The following PCSK2 variants were observed in gnomAD, a reference collection of about 807,000 sequenced individuals.
PCSK2 encodes proprotein convertase subtilisin/kexin type 2.
PCSK2 carries 14 observed loss-of-function variants against 69.7 expected under a neutral mutation model. That is an observed-to-expected ratio of 0.20 (90% confidence interval 0.13 to 0.31). The LOEUF (loss-of-function observed/expected upper bound fraction) is 0.31. Ranked by LOEUF, PCSK2 falls within the 10% of genes least tolerant of loss-of-function variation. PCSK2 has a pLI of 1.00. For synonymous variants in PCSK2, 307 were observed against 320.7 expected (o/e 0.96, Z 0.46); for missense variants, 544 against 842.5 (o/e 0.65, Z 4.39).
chr20:17,446,865 A>G (rs879238225), intron 8 of PCSK2, among the ~76,000 whole-genome samples: 6 of 152,224 alleles, frequency 3.9e-5, no homozygotes, highest in Admixed American at 6.5e-5. Context: ...CACATCAAAG[A>G]AAAAGGAAAA....
chr20:17,265,944 C>A (rs1226965400), intron 2 of PCSK2, among the ~76,000 whole-genome samples: 2 of 152,166 alleles, frequency 1.3e-5, no homozygotes, highest in Non-Finnish European at 2.9e-5. Context: ...ACTCGTGACT[C>A]CTCTCAATAC....
chr20:17,276,275 T>C, intron 2 of PCSK2, among the ~76,000 whole-genome samples: 1 of 152,194 alleles, frequency 6.6e-6, no homozygotes, highest in Non-Finnish European at 1.5e-5. Flanking sequence ...TTGCTCCAGC[T>C]TTCTCAAATC....
At chr20:17,357,732 T>C (rs1315044017) in intron 2 of PCSK2, among the ~76,000 whole-genome samples, 2 of 151,856 alleles carry the variant, frequency 1.3e-5, no homozygotes, top group African/African-American at 4.8e-5. Flanking sequence ...CTGTCTCTAC[T>C]AAAAATACAA....
intron 2 of PCSK2, among the ~76,000 whole-genome samples, chr20:17,293,953 T>G (rs977481996): frequency 3.9e-5 from 6 of 152,138 alleles, no homozygotes; most frequent in Non-Finnish European, 8.8e-5. Context: ...AAGTGTATCT[T>G]TGGGGTTTCA....
chr20:17,288,734 C>A (rs1988601156), intron 2 of PCSK2, among the ~76,000 whole-genome samples: 1 of 152,150 alleles, frequency 6.6e-6, no homozygotes, highest in African/African-American at 2.4e-5. Flanking sequence ...CATCTGCAAC[C>A]CACAGACAGC....
In PCSK2 at chr20:17,428,266, G is replaced by A. The variant is rs190558001; in HGVS notation, c.621-1169G>A. ...CAGGGACAGGTTTAACACAAGGGCC[G>A]ACCTCTGCAGTGACACTGGGTTTAC... On this transcript the variant is annotated intron_variant, in intron 6 of 11. Transcript: ENST00000262545. 1.6e-3 allele frequency among the ~76,000 whole-genome samples: 240 copies of A among 152,318 alleles called. 2 individuals are homozygous for A. The highest frequency in any genetic ancestry group is 1.3e-3 in the Non-Finnish European group (91 of 68,030).
At chr20:17,399,857 T>G (rs2031595576) in intron 5 of PCSK2, among the ~76,000 whole-genome samples, 2 of 152,220 alleles carry the variant, frequency 1.3e-5, no homozygotes, top group Admixed American at 1.3e-4. Flanking sequence ...CAGTGTTATT[T>G]GTCTTATAGA....
intron 2 of PCSK2, among the ~76,000 whole-genome samples, chr20:17,353,927 T>C (rs2030103182): frequency 6.6e-6 from 1 of 152,142 alleles, no homozygotes; most frequent in African/African-American, 2.4e-5. Flanking sequence ...AGTCCTCACT[T>C]ATAAGTGGGA....
chr20:17,229,583 A>G (rs2122925113), intron 1 of PCSK2, among the ~76,000 whole-genome samples: 1 of 151,844 alleles, frequency 6.6e-6, no homozygotes, highest in East Asian at 2.0e-4. Flanking sequence ...CTTGGAGAGG[A>G]GCACACTGAT....
At position 17,358,360 on chromosome 20, in the gene PCSK2, C is replaced by A; in HGVS notation, c.316C>A (p.Arg106=). ...KMALQQEGFD[R]KKRGYRDINE... is the part of the protein sequence containing the mutation. ...GGCTTTGCAGCAGGAAGGATTTGAC[C>A]GAAAAAAGCGAGGTTACAGAGACAT... Residue 106 remains arginine, a synonymous_variant, in exon 3 of 12, where the codon CGA becomes AGA. Transcript: ENST00000262545. 1 of 1,612,272 alleles carries A rather than the reference C, an allele frequency of 6.2e-7. No homozygotes were observed. The highest frequency in any genetic ancestry group is 8.5e-7 in the Non-Finnish European group (1 of 1,178,552).
chr20:17,316,486 C>T (rs1190896639), intron 2 of PCSK2, among the ~76,000 whole-genome samples: 1 of 152,192 alleles, frequency 6.6e-6, no homozygotes, highest in African/African-American at 2.4e-5. Flanking sequence ...CTTCCCTTCC[C>T]TGTCTCCCTT....
At chr20:17,311,421 C>A (rs1568597654) in intron 2 of PCSK2, among the ~76,000 whole-genome samples, 1 of 151,868 alleles carries the variant, frequency 6.6e-6, no homozygotes, top group Non-Finnish European at 1.5e-5. Flanking sequence ...ATTCTTATCC[C>A]AATAGAAGCA....
chr20:17,259,566 G>C (rs1987301637), intron 1 of PCSK2, among the ~76,000 whole-genome samples: 1 of 152,160 alleles, frequency 6.6e-6, no homozygotes, highest in Admixed American at 6.5e-5. Flanking sequence ...TGATTGGCCT[G>C]TTTAGGTTCT....
At chr20:17,348,080 AAAGAAAGAAAGAAAGAAAG>A (rs1454602331) in intron 2 of PCSK2, among the ~76,000 whole-genome samples, 3 of 150,028 alleles carry the variant, frequency 2.0e-5, no homozygotes, top group South Asian at 2.1e-4. Context: ...AGAAAGAAAG[AAAGAAAGAAAGAAAGAAAG>A]AAAGAAAAGA....
intron 2 of PCSK2, among the ~76,000 whole-genome samples, chr20:17,353,463 C>CAGA (rs372975691): frequency 0.016 from 2,022 of 126,374 alleles, 95 homozygotes; most frequent in African/African-American, 0.051. Flanking sequence ...GACTCCATCA[C>CAGA]ACAAAAAAAA....
intron 2 of PCSK2, among the ~76,000 whole-genome samples, chr20:17,344,210 G>A (rs886543954): frequency 6.6e-5 from 10 of 152,190 alleles, no homozygotes; most frequent in African/African-American, 1.9e-4. Flanking sequence ...AGAATCAATC[G>A]CTCTGACCTT....
chr20:17,231,583 G>A (rs762091739), intron 1 of PCSK2, among the ~76,000 whole-genome samples: 5 of 152,200 alleles, frequency 3.3e-5, no homozygotes, highest in Non-Finnish European at 7.3e-5. Flanking sequence ...TTGAGTAAAA[G>A]GATATGCATG....
At chr20:17,342,806 C>A (rs1209121501) in intron 2 of PCSK2, among the ~76,000 whole-genome samples, 2 of 151,848 alleles carry the variant, frequency 1.3e-5, no homozygotes, top group Non-Finnish European at 1.5e-5. Context: ...TAATTGTTTT[C>A]TTTTTCTTTT....
chr20:17,360,731 C>G, intron 4 of PCSK2, 91 bp downstream of exon 4: 2 of 744,212 alleles, frequency 2.7e-6, no homozygotes, highest in Non-Finnish European at 4.7e-6. Flanking sequence ...AGATGCTAAC[C>G]AGAGATGGAA....
Sources: allele counts gnomAD v4.1 joint callset (sites outside exome capture counted in the v4.1 genomes callset), GRCh38; gene constraint gnomAD v4.1.1; transcripts MANE v1.5; gene names NCBI Gene and HGNC (gene_info 2026-07-23, HGNC 2026-07-21).